CCSER1: variants seen among roughly 807,000 people sequenced by gnomAD.
CCSER1 encodes the protein serine-rich coiled-coil domain-containing protein 1.
A neutral mutation model predicts 82.0 loss-of-function variants in CCSER1; 41 were observed. That is an observed-to-expected ratio of 0.50 (90% confidence interval 0.39 to 0.65). The LOEUF (loss-of-function observed/expected upper bound fraction) is 0.65, where lower values mean the gene tolerates loss of function less well. Ranked by LOEUF, CCSER1 falls within the 30% of genes least tolerant of loss-of-function variation. CCSER1 has a pLI of 0.00. For synonymous variants in CCSER1, 414 were observed against 383.9 expected, an observed-to-expected ratio of 1.08 and a Z score of -0.92; for missense variants, 1,119 against 1,064.2, an observed-to-expected ratio of 1.05 and a Z score of -0.72.
intron 1 of CCSER1, among the ~76,000 whole-genome samples, chr4:90,213,328 G>A (rs1170034590): frequency 6.6e-6 from 1 of 152,074 alleles, no homozygotes; most frequent in Non-Finnish European, 1.5e-5. Flanking sequence ...TGTGAGATGA[G>A]CAAGTATTTG....
At chr4:90,513,371 T>C (rs868311554) in intron 5 of CCSER1, among the ~76,000 whole-genome samples, 1 of 152,204 alleles carries the variant, frequency 6.6e-6, no homozygotes, top group African/African-American at 2.4e-5. Context: ...CAATGAATTG[T>C]AGCTCTCTTC....
intron 8 of CCSER1, among the ~76,000 whole-genome samples, chr4:90,864,305 G>A (rs1765468738): frequency 6.6e-6 from 1 of 151,938 alleles, no homozygotes; most frequent in African/African-American, 2.4e-5. Context: ...GCTATGGTTT[G>A]AAAGTGTCCC....
At chr4:91,297,328 G>A (rs1261559702) in intron 10 of CCSER1, among the ~76,000 whole-genome samples, 1 of 150,970 alleles carries the variant, frequency 6.6e-6, no homozygotes, top group East Asian at 2.0e-4. Context: ...AAAGTAAAAA[G>A]CCAAGAATGT....
intron 1 of CCSER1, among the ~76,000 whole-genome samples, chr4:90,171,419 T>G (rs188422817): frequency 1.3e-5 from 2 of 151,954 alleles, no homozygotes; most frequent in Non-Finnish European, 2.9e-5. Flanking sequence ...TTTACTACTA[T>G]TAAATCTTGT....
At chr4:90,242,239 G>A (rs1268667935) in intron 1 of CCSER1, among the ~76,000 whole-genome samples, 3 of 152,204 alleles carry the variant, frequency 2.0e-5, no homozygotes, top group African/African-American at 4.8e-5. Context: ...CATGGGAGAC[G>A]GAGCTTGCAG....
chr4:91,433,260 C>T (rs1183791004), intron 10 of CCSER1, among the ~76,000 whole-genome samples: 1 of 152,080 alleles, frequency 6.6e-6, no homozygotes, highest in Non-Finnish European at 1.5e-5. Context: ...GTGGGTGGTC[C>T]TGTAAAATTA....
chr4:91,522,072 G>A (rs1027099008), intron 10 of CCSER1, among the ~76,000 whole-genome samples: 1 of 152,182 alleles, frequency 6.6e-6, no homozygotes, highest in Admixed American at 6.5e-5. Flanking sequence ...GTGAAAGGAA[G>A]GGATCCAGTT....
At chr4:91,052,797 C>A (rs1234225878) in intron 9 of CCSER1, among the ~76,000 whole-genome samples, 1 of 152,044 alleles carries the variant, frequency 6.6e-6, no homozygotes, top group African/African-American at 2.4e-5. Flanking sequence ...TTACTCTAAA[C>A]AGTATTTAAA....
chr4:90,430,574 A>G (rs1451271620), intron 4 of CCSER1, among the ~76,000 whole-genome samples: 1 of 151,920 alleles, frequency 6.6e-6, no homozygotes, highest in East Asian at 1.9e-4. Flanking sequence ...ATGTTTAAAT[A>G]TTTTAGCAGC....
At chr4:90,135,121 A>G (rs1723434791) in intron 1 of CCSER1, among the ~76,000 whole-genome samples, 1 of 152,194 alleles carries the variant, frequency 6.6e-6, no homozygotes, top group South Asian at 2.1e-4. Context: ...ATTCGGAAGC[A>G]TTCTTTCTAT....
chr4:91,214,050 A>C (rs1216113094), intron 10 of CCSER1, among the ~76,000 whole-genome samples: 1 of 152,104 alleles, frequency 6.6e-6, no homozygotes, highest in Non-Finnish European at 1.5e-5. Flanking sequence ...TTTTCTCTGG[A>C]ATTAGAAAAG....
intron 3 of CCSER1, among the ~76,000 whole-genome samples, chr4:90,340,090 C>A (rs932423434): frequency 9.2e-5 from 14 of 152,032 alleles, no homozygotes; most frequent in Non-Finnish European, 1.8e-4. Flanking sequence ...ATTCCATCTA[C>A]TATTATATTT....
intron 3 of CCSER1, among the ~76,000 whole-genome samples, chr4:90,386,218 GAACA>G (rs1750024101): frequency 6.6e-6 from 1 of 152,132 alleles, no homozygotes; most frequent in African/African-American, 2.4e-5. Context: ...TAAGCAAAAA[GAACA>G]AATCTGGAGG....
rs1410541171 is a variant in CCSER1, at chr4:91,325,064, G to T, written c.2217+239070G>T. ...AGGCCATCGGACCTGTGGGGCAAGG[G>T]GCTTGGGGCCCTAAATAGCTTGGGG... On this transcript the variant is annotated intron_variant, in intron 10 of 10. Coordinates refer to ENST00000509176, the MANE Select transcript of CCSER1 (RefSeq NM_001145065.2). 9.5e-6 allele frequency: 4 copies of T among 420,498 alleles called. 1 individual carries two copies. The highest frequency in any genetic ancestry group is 6.9e-5 in the South Asian group (4 of 57,870). The allele number at this position is 420,498 out of a possible 1,614,324, so 26.0% of individuals were successfully genotyped here. A position where few individuals can be genotyped will look rare whatever the true frequency, so the allele number is the denominator to read the frequency against.
At chr4:91,259,978 TA>T (rs1451635750) in intron 10 of CCSER1, among the ~76,000 whole-genome samples, 1 of 152,172 alleles carries the variant, frequency 6.6e-6, no homozygotes, top group East Asian at 1.9e-4. Flanking sequence ...GCAATAAGAT[TA>T]AAAACAAAGA....
intron 7 of CCSER1, among the ~76,000 whole-genome samples, chr4:90,791,616 C>T (rs1755243652): frequency 2.6e-5 from 4 of 151,998 alleles, no homozygotes; most frequent in Middle Eastern, 3.2e-3. Context: ...TTTGGGAGGC[C>T]AAGGCGGGCG....
At chr4:90,508,633 G>A (rs1042329613) in intron 5 of CCSER1, among the ~76,000 whole-genome samples, 3 of 151,984 alleles carry the variant, frequency 2.0e-5, no homozygotes, top group South Asian at 4.1e-4. Flanking sequence ...GACATTTAGG[G>A]AACATTTGGG....
chr4:90,359,879 G>GTATA lies in CCSER1; in HGVS notation c.1510-40151_1510-40148dup, dbSNP rs202216084. ...TATATATATGTGTATATATATGTGTGTATATATATGTGTGTGTGTATATAT... is the reference window on the plus strand; with the variant it reads ...TATATATATGTGTATATATATGTGTGTATATATATATATGTGTGTGTGTATATAT... On this transcript the variant is annotated intron_variant, in intron 3 of 10. Transcript: ENST00000509176. 3.5e-3 allele frequency among the ~76,000 whole-genome samples: 507 copies of GTATA among 145,184 alleles called. 5 individuals carry two copies. Among genetic ancestry groups the GTATA allele is most frequent in the Middle Eastern group, 0.014 (4 of 276 alleles).
intron 1 of CCSER1, among the ~76,000 whole-genome samples, chr4:90,178,429 C>G (rs1240123096): frequency 6.6e-6 from 1 of 151,878 alleles, no homozygotes; most frequent in Non-Finnish European, 1.5e-5. Flanking sequence ...TAACCACATA[C>G]TTTTATATTG....
Sources: allele counts gnomAD v4.1 joint callset (sites outside exome capture counted in the v4.1 genomes callset), GRCh38; gene constraint gnomAD v4.1.1; transcripts MANE v1.5; gene names NCBI Gene and HGNC (gene_info 2026-07-23, HGNC 2026-07-21).